Variants in INTS10 observed in about 807,000 individuals in gnomAD.
The protein encoded by INTS10 is integrator complex subunit 10, also known as chromosome 8 open reading frame 35.
Under a neutral mutation model 94.4 loss-of-function variants are expected in INTS10, and 44 were observed. The ratio of observed to expected loss-of-function variants is 0.47; its 90% CI spans 0.37 to 0.60. The LOEUF (loss-of-function observed/expected upper bound fraction) is 0.60. INTS10 is among the 20% of genes least tolerant of loss of function. The pLI, the probability that INTS10 is intolerant of heterozygous loss-of-function variation, is 0.00. For synonymous variants in INTS10, 341 were observed against 320.7 expected (o/e 1.06, Z -0.68); for missense variants, 797 against 868.7 (o/e 0.92, Z 1.04).
At position 19,824,900 on chromosome 8, in the gene INTS10, T is replaced by C. The variant is rs2066671308; in HGVS notation, c.934T>C (p.Tyr312His). The part of the protein sequence containing the change: ...AHAKYKNQVV[Y>H]STMLVFFKNA... ...TGCAAAATATAAAAACCAAGTGGTGTATTCCACCATGCTGGTCTTCTTTAA... is the reference window on the plus strand; with the variant it reads ...TGCAAAATATAAAAACCAAGTGGTGCATTCCACCATGCTGGTCTTCTTTAA... The change falls in exon 8 of 17, where the codon TAT (tyrosine) becomes CAT (histidine). Residue 312 changes from tyrosine (Y) to histidine (H), a missense_variant. Physicochemically the swap from Tyr to His is moderately conservative, Grantham distance 83. This residue lies in a region of INTS10 where 734 missense variants were observed against 787.8 expected (regional missense o/e 0.93). Transcript: ENST00000397977. The C allele has an allele frequency of 6.2e-7, 1 of 1,613,258 alleles. No individual in the cohort carries two copies. Among genetic ancestry groups the C allele is most frequent in the East Asian group, 2.2e-5 (1 of 44,862 alleles).
At chr8:19,820,077 T>A (rs2066250419) in intron 3 of INTS10, among the ~76,000 whole-genome samples, 1 of 152,216 alleles carries the variant, frequency 6.6e-6, no homozygotes, top group Non-Finnish European at 1.5e-5. Flanking sequence ...CATAGGTCAT[T>A]TGAACTTCAA....
chr8:19,837,117 ATCCCAG>A lies in INTS10; in HGVS notation c.1597_1602del (p.Ser533_Gln534del). 1 of 1,613,712 alleles carries A rather than the reference ATCCCAG, an allele frequency of 6.2e-7. No individual in the cohort carries two copies. ...TACTCCCCATTCAAGATGGAGGCAA[ATCCCAG>A]GAGGAACCCTCGAAAGTAAAGCCCA... On this transcript the variant is annotated inframe_deletion, in exon 13 of 17. Transcript: ENST00000397977.
At chr8:19,832,868 A>G (rs2067342235) in intron 11 of INTS10, among the ~76,000 whole-genome samples, 1 of 152,186 alleles carries the variant, frequency 6.6e-6, no homozygotes, top group Non-Finnish European at 1.5e-5. Context: ...TTCTAAAGAA[A>G]TGTTATATCC....
chr8:19,820,661 T>A, intron 4 of INTS10, 143 bp downstream of exon 4: 1 of 662,548 alleles, frequency 1.5e-6, no homozygotes, highest in African/African-American at 1.8e-5. Flanking sequence ...TCTTTGTTAG[T>A]AAAGCTAAAA....
In INTS10 at chr8:19,826,458, C is replaced by T; in HGVS notation, c.1039C>T (p.Leu347Phe). ...TGCCCCGAGCCAAGTTCCACTGGTTCTTCTTGAAGATGTATCGAATGTGTA... is the reference window on the plus strand; with the variant it reads ...TGCCCCGAGCCAAGTTCCACTGGTTTTTCTTGAAGATGTATCGAATGTGTA... ...PNAPSQVPLV[L>F]LEDVSNVYGD... The change falls in exon 9 of 17, where the codon CTT (leucine) becomes TTT (phenylalanine). Residue 347 changes from leucine to phenylalanine, a missense_variant. Physicochemically the swap from Leu to Phe is conservative, Grantham distance 22. Transcript: ENST00000397977. 1 of 1,612,472 alleles carries T rather than the reference C, an allele frequency of 6.2e-7. No homozygotes were observed. Among genetic ancestry groups the T allele is most frequent in the Non-Finnish European group, 8.5e-7 (1 of 1,179,514 alleles).
In INTS10 at chr8:19,845,759, T is replaced by C. The variant is rs369555407; in HGVS notation, c.1938T>C (p.Ile646=). The stretch of plus-strand genomic sequence containing the variant: ...TGAGAACTCAGGAAGGTGGGAAAAT[T>C]CATCTGGAATTACTACCCAATCAAG... ...AYLRTQEGGK[I]HLELLPNQGM... is the part of the protein sequence containing the mutation. Residue 646 remains isoleucine (I), a synonymous_variant, in exon 16 of 17, where the codon ATT becomes ATC. Transcript: ENST00000397977. The C allele has an allele frequency of 1.6e-5, 26 of 1,613,844 alleles. No homozygotes were observed. Among genetic ancestry groups the C allele is most frequent in the Non-Finnish European group, 1.4e-5 (17 of 1,179,828 alleles).
chr8:19,850,689 A>G (rs553270426), intron 16 of INTS10, among the ~76,000 whole-genome samples: 1 of 152,318 alleles, frequency 6.6e-6, no homozygotes, highest in South Asian at 2.1e-4. Flanking sequence ...GGTGGGAAAC[A>G]GAGGTGACTT....
intron 11 of INTS10, among the ~76,000 whole-genome samples, chr8:19,832,928 A>G (rs1159415139): frequency 6.6e-6 from 1 of 152,152 alleles, no homozygotes. Flanking sequence ...CTCGAGACCT[A>G]AGACCAGAAA....
chr8:19,833,616 CTT>C (rs2067417138), intron 12 of INTS10, among the ~76,000 whole-genome samples: 1 of 152,150 alleles, frequency 6.6e-6, no homozygotes, highest in Admixed American at 6.5e-5. Context: ...TTATTACACT[CTT>C]GTCTCTTCTG....
Position 19,823,998 on chromosome 8 carries a change from A to C in INTS10, c.790A>C (p.Asn264His), listed in dbSNP as rs2066597604. The C allele has an allele frequency of 6.2e-7, 1 of 1,613,190 alleles. No individual in the cohort carries two copies. The highest frequency in any genetic ancestry group is 8.5e-7 in the Non-Finnish European group (1 of 1,179,716). The change falls in exon 7 of 17, where the codon AAT becomes CAT. Residue 264 changes from asparagine to histidine, a missense_variant. Physicochemically the swap from Asn to His is moderately conservative, Grantham distance 68. This residue lies in a region of INTS10 where 734 missense variants were observed against 787.8 expected (regional missense o/e 0.93). Coordinates refer to ENST00000397977, the MANE Select transcript of INTS10 (RefSeq NM_018142.4). ...TTGGGAGAGGTTGTTTAAGATTTTG[A>C]ATGTTGTTGGAATGAGATGTGAATG... ...DPWERLFKILNVVGMRCEWQM... is the reference protein window; with the variant it reads ...DPWERLFKILHVVGMRCEWQM...
chr8:19,817,527 G>C lies in INTS10; in HGVS notation c.-11G>C. The C allele has an allele frequency of 1.2e-6, 2 of 1,604,090 alleles. No individual in the cohort carries two copies. The highest frequency in any genetic ancestry group is 1.7e-6 in the Non-Finnish European group (2 of 1,176,808). On this transcript the variant is annotated 5_prime_UTR_variant, in exon 1 of 17. Transcript: ENST00000397977. ...GCCGCTTCGGGCTGGCGGCTGGAGA[G>C]CGCTCGGGTCATGTCTGCCCAGGGG...
chr8:19,823,931 A>C lies in INTS10; in HGVS notation c.723A>C (p.Ile241=), dbSNP rs1244484255. ...GCAAACGTAGCTCTCAGAAGTACAT[A>C]ATAGAAGGGCTGACGGAAAAATCAT... is the stretch of plus-strand genomic sequence containing the variant. ...SPSKRSSQKY[I]IEGLTEKSSQ... Residue 241 remains isoleucine, a synonymous_variant, in exon 7 of 17, where the codon ATA becomes ATC. Transcript: ENST00000397977. The C allele has an allele frequency of 1.2e-6, 2 of 1,613,776 alleles. No homozygotes were observed. The highest frequency in any genetic ancestry group is 3.3e-5 in the Admixed American group (2 of 59,962).
Position 19,851,550 on chromosome 8 carries a change from T to C in INTS10, c.1977-99T>C, listed in dbSNP as rs2069034285. On this transcript the variant is annotated intron_variant, in intron 16 of 16. Transcript: ENST00000397977. The surrounding 1 kb of genome is among the most constrained non-coding windows in gnomAD (Gnocchi z 5.0). ...CTTTTTAAAATATCTGAAATTATACTTAGATATGGGGCAGGCTTTATTCCT... is the reference window on the plus strand; with the variant it reads ...CTTTTTAAAATATCTGAAATTATACCTAGATATGGGGCAGGCTTTATTCCT... 2 of 1,023,692 alleles carry C rather than the reference T, an allele frequency of 2.0e-6. No individual in the cohort carries two copies. Among genetic ancestry groups the C allele is most frequent in the African/African-American group, 3.2e-5 (2 of 62,310 alleles). The allele number at this position is 1,023,692 out of a possible 1,614,324, so 63.4% of individuals were successfully genotyped here.
In INTS10 at chr8:19,830,534, C is replaced by G. The variant is rs1178598318; in HGVS notation, c.1269C>G (p.Leu423=). ...TGGCCAGGGAGAGCTGGGAGTTGCT[C>G]TATTCCCTAGAATTCCTTGACAAAG... ...FKLARESWEL[L]YSLEFLDKEF... is the part of the protein sequence containing the mutation. Residue 423 remains leucine, a synonymous_variant, in exon 10 of 17, where the codon CTC becomes CTG. Transcript: ENST00000397977. 6.2e-7 allele frequency: 1 copy of G among 1,613,760 alleles called. No individual in the cohort carries two copies. The highest frequency in any genetic ancestry group is 8.5e-7 in the Non-Finnish European group (1 of 1,179,902).
intron 9 of INTS10, among the ~76,000 whole-genome samples, chr8:19,828,954 A>G (rs978336331): frequency 6.6e-6 from 1 of 152,162 alleles, no homozygotes; most frequent in African/African-American, 2.4e-5. Context: ...GGGGTAGGGA[A>G]AAGTCACCAA....
chr8:19,825,680 TAA>T (rs1005617649), intron 8 of INTS10, among the ~76,000 whole-genome samples: 5 of 152,164 alleles, frequency 3.3e-5, no homozygotes, highest in Admixed American at 2.0e-4. Context: ...AAAATAGAAA[TAA>T]GAGTGAAATC....
chr8:19,847,340 C>A (rs1047524096), intron 16 of INTS10, among the ~76,000 whole-genome samples: 2 of 152,152 alleles, frequency 1.3e-5, no homozygotes, highest in South Asian at 4.2e-4. Context: ...TTTCTAAGAT[C>A]GTGAATCGAA....
intron 2 of INTS10, among the ~76,000 whole-genome samples, chr8:19,819,059 G>A (rs552971524): frequency 2.0e-4 from 30 of 152,230 alleles, no homozygotes; most frequent in African/African-American, 3.9e-4. Context: ...CAAAATGTGC[G>A]ATCCCAGTCT....
At chr8:19,820,138 C>T (rs139058912) in intron 3 of INTS10, among the ~76,000 whole-genome samples, 9 of 152,278 alleles carry the variant, frequency 5.9e-5, no homozygotes, top group Non-Finnish European at 7.3e-5. Flanking sequence ...TGTGACCATT[C>T]ACATACATCA....
Sources: allele counts gnomAD v4.1 joint callset (sites outside exome capture counted in the v4.1 genomes callset), GRCh38; gene constraint gnomAD v4.1.1; regional missense constraint gnomAD v4.1.1; non-coding constraint Gnocchi (gnomAD v3.1); transcripts MANE v1.5; gene names NCBI Gene and HGNC (gene_info 2026-07-23, HGNC 2026-07-21).